Variants in DNAJB2 observed in about 807,000 individuals in gnomAD.
The protein encoded by DNAJB2 is DnaJ heat shock protein family (Hsp40) member B2.
In DNAJB2, 19 loss-of-function variants were observed where a neutral mutation model predicts 33.3. The ratio of observed to expected loss-of-function variants is 0.57; its 90% CI spans 0.40 to 0.84. The LOEUF is 0.84. DNAJB2 is among the 40% of genes least tolerant of loss of function. The pLI, the probability that DNAJB2 is intolerant of heterozygous loss-of-function variation, is 0.00. For synonymous variants in DNAJB2, 172 were observed against 164.6 expected, an observed-to-expected ratio of 1.04 and a Z score of -0.34; for missense variants, 368 against 430.9, an observed-to-expected ratio of 0.85 and a Z score of 1.29.
At chr2:219,282,981 G>C in intron 6 of DNAJB2, 52 bp downstream of exon 6, 1 of 1,565,960 alleles carries the variant, frequency 6.4e-7, no homozygotes, top group Non-Finnish European at 8.7e-7. Flanking sequence ...GGAACCCCTG[G>C]CTTGAGCTTG....
intron 7 of DNAJB2, 24 bp from the exon 8 acceptor site, chr2:219,283,395 C>A: frequency 6.2e-7 from 1 of 1,612,794 alleles, no homozygotes. Context: ...CTGCTCGTTG[C>A]CTGAACTGTG....
rs964413447 is a variant in DNAJB2 at position 219,285,716 on chromosome 2, G to C, written c.*729G>C. On this transcript the variant is annotated 3_prime_UTR_variant, in exon 9 of 9. Transcript: ENST00000336576. ...TCTCAGCTGTCCAGATTCAGAACTG[G>C]AGCCCACTCCTCCTCCCTCTCGTTG... 13 of 1,245,872 alleles carry C rather than the reference G, an allele frequency of 1.0e-5. No homozygotes were observed. The highest frequency in any genetic ancestry group is 1.2e-5 in the Non-Finnish European group (12 of 989,588). 77.2% of individuals were successfully genotyped at this position (1,245,872 alleles called of 1,614,324 possible).
At chr2:219,280,189 C>G in intron 2 of DNAJB2, 1 of 536,180 alleles carries the variant, frequency 1.9e-6, no homozygotes, top group Non-Finnish European at 3.3e-6. Context: ...CTCCCCTCCC[C>G]CTTCCCCCTA....
Position 219,285,646 on chromosome 2 carries a change from G to C in DNAJB2, c.*659G>C. ...GCGAGGAAGATGCTGGGGCCGGTAG[G>C]GCTGTGAGATCTTCTGGGGAGGCTA... On this transcript the variant is annotated 3_prime_UTR_variant, in exon 9 of 9. Coordinates refer to ENST00000336576, the MANE Select transcript of DNAJB2 (RefSeq NM_006736.6). The C allele has an allele frequency of 8.8e-7, 1 of 1,140,536 alleles. No homozygotes were observed. The highest frequency in any genetic ancestry group is 1.6e-5 in the African/African-American group (1 of 62,984). The allele number at this position is 1,140,536 out of a possible 1,614,324, so 70.7% of individuals were successfully genotyped here.
At chr2:219,283,263 G>T in intron 7 of DNAJB2, 28 bp downstream of exon 7, 3 of 1,613,660 alleles carry the variant, frequency 1.9e-6, no homozygotes, top group Non-Finnish European at 2.5e-6. Flanking sequence ...GGCCATAGAG[G>T]GGTGAGAGGT....
In DNAJB2 at chr2:219,285,612, C is replaced by G. The variant is rs940135945; in HGVS notation, c.*625C>G. ...TTCTTCCTTCCTTCCCCGAGAAGGCCTCAATGTGGCGAGGAAGATGCTGGG... is the reference window on the plus strand; with the variant it reads ...TTCTTCCTTCCTTCCCCGAGAAGGCGTCAATGTGGCGAGGAAGATGCTGGG... On this transcript the variant is annotated 3_prime_UTR_variant, in exon 9 of 9. Coordinates refer to ENST00000336576, the MANE Select transcript of DNAJB2 (RefSeq NM_006736.6). The G allele has an allele frequency of 1.0e-5, 11 of 1,085,806 alleles. No homozygotes were observed. In the African/African-American group the frequency reaches 1.8e-4, roughly 18 times the overall value. The allele number at this position is 1,085,806 out of a possible 1,614,324, so 67.3% of individuals were successfully genotyped here.
chr2:219,283,024 G>T, intron 6 of DNAJB2, 95 bp downstream of exon 6: 13 of 1,576,156 alleles, frequency 8.2e-6, no homozygotes, highest in Non-Finnish European at 1.1e-5. Flanking sequence ...TGTGTTGGGA[G>T]CCCTGCCTCC....
intron 8 of DNAJB2, among the ~76,000 whole-genome samples, chr2:219,284,174 G>A (rs993043260): frequency 3.3e-5 from 5 of 151,966 alleles, no homozygotes; most frequent in Non-Finnish European, 5.9e-5. Context: ...CGACCTCCTC[G>A]GCTCAAGCAG....
rs1187704067 is a variant in DNAJB2 at position 219,283,516 on chromosome 2, C to T, written c.619+27C>T. ...TGAGGAGCAGCTCCCCTACCCAGCC[C>T]CTGGCAGGAAGCCCCAGCCCCAACC... On this transcript the variant is annotated intron_variant, in intron 8 of 8. Coordinates refer to ENST00000336576, the MANE Select transcript of DNAJB2 (RefSeq NM_006736.6). 2.5e-5 allele frequency: 40 copies of T among 1,605,262 alleles called. 1 individual carries two copies. The East Asian group carries it at 8.7e-4, about 35-fold the overall frequency.
chr2:219,281,494 A>T, intron 3 of DNAJB2: 1 of 588,584 alleles, frequency 1.7e-6, no homozygotes, highest in Non-Finnish European at 3.0e-6. Flanking sequence ...CCTGTGCGGT[A>T]GGTGTTGTGA....
intron 5 of DNAJB2, chr2:219,282,580 C>G: frequency 2.3e-6 from 1 of 426,794 alleles, no homozygotes; most frequent in Non-Finnish European, 4.1e-6. Flanking sequence ...GATGATTTGC[C>G]TGTACTGAAA....
intron 3 of DNAJB2, chr2:219,281,329 G>A: frequency 4.4e-6 from 1 of 225,528 alleles, no homozygotes; most frequent in Non-Finnish European, 8.9e-6. Context: ...TAGTTCTGGT[G>A]GTTGTAGAAG....
rs929880543 is a variant in DNAJB2 at position 219,284,574 on chromosome 2, C to T, written c.620-58C>T. 3.3e-6 allele frequency: 5 copies of T among 1,527,332 alleles called. No individual in the cohort carries two copies. The East Asian group carries it at 1.1e-4, about 35-fold the overall frequency. 94.6% of individuals were successfully genotyped at this position (1,527,332 alleles called of 1,614,324 possible). On this transcript the variant is annotated intron_variant, in intron 8 of 8. Coordinates refer to ENST00000336576, the MANE Select transcript of DNAJB2 (RefSeq NM_006736.6). ...TCAGGGTTGTTACTGTGTGAGGCAG[C>T]CTGGCAGTAATACCCCTGGCTCAGG... is the stretch of plus-strand genomic sequence containing the variant.
intron 6 of DNAJB2, 64 bp from the exon 7 acceptor site, chr2:219,283,069 C>T: frequency 6.2e-7 from 1 of 1,600,198 alleles, no homozygotes; most frequent in Non-Finnish European, 8.6e-7. Flanking sequence ...GCCTCGGTGA[C>T]CACAACAGGC....
At chr2:219,281,574 C>G in intron 3 of DNAJB2, 144 bp from the exon 4 acceptor site, 2 of 1,022,984 alleles carry the variant, frequency 2.0e-6, no homozygotes, top group Non-Finnish European at 2.9e-6. Flanking sequence ...AACCTATAGC[C>G]CGTGTCCCCT....
Position 219,285,895 on chromosome 2 carries a change from T to C in DNAJB2, c.*908T>C, listed in dbSNP as rs895899350. The C allele has an allele frequency of 3.1e-5, 49 of 1,568,806 alleles. No homozygotes were observed. Among genetic ancestry groups the C allele is most frequent in the South Asian group, 1.0e-4 (9 of 86,636 alleles). The stretch of plus-strand genomic sequence containing the variant: ...CAAATCAGGGCTCAGGGAGAGGCCA[T>C]GCGGCCAGCCCAGGTCTGCATGCTG... On this transcript the variant is annotated 3_prime_UTR_variant, in exon 9 of 9. Transcript: ENST00000336576.
chr2:219,283,574 G>A (rs1951926897), intron 8 of DNAJB2, 85 bp downstream of exon 8: 2 of 1,410,716 alleles, frequency 1.4e-6, no homozygotes, highest in East Asian at 2.4e-5. Flanking sequence ...GCTGCTCTCT[G>A]AACTCACTTA....
intron 3 of DNAJB2, 39 bp downstream of exon 3, chr2:219,280,726 C>G (rs1391578018): frequency 3.5e-6 from 5 of 1,414,192 alleles, no homozygotes; most frequent in Non-Finnish European, 5.0e-6. Context: ...CACATCACCC[C>G]CTACTTCATG....
In DNAJB2 at chr2:219,285,554, G is replaced by A. The variant is rs1951947666; in HGVS notation, c.*567G>A. 4 of 1,025,852 alleles carry A rather than the reference G, an allele frequency of 3.9e-6. No homozygotes were observed. The highest frequency in any genetic ancestry group is 3.4e-5 in the African/African-American group (2 of 59,104). The allele number at this position is 1,025,852 out of a possible 1,614,324, so 63.5% of individuals were successfully genotyped here. A position where few individuals can be genotyped will look rare whatever the true frequency, so the allele number is the denominator to read the frequency against. Reference sequence around the variant, plus strand: ...TCTGCAACTCCCTGCGGGCCGCATCGCTTGCTTTCACTGCCGTCTGGCTAG... The same window carrying A: ...TCTGCAACTCCCTGCGGGCCGCATCACTTGCTTTCACTGCCGTCTGGCTAG... On this transcript the variant is annotated 3_prime_UTR_variant, in exon 9 of 9. Coordinates refer to ENST00000336576, the MANE Select transcript of DNAJB2 (RefSeq NM_006736.6).
Sources: allele counts gnomAD v4.1 joint callset (sites outside exome capture counted in the v4.1 genomes callset), GRCh38; gene constraint gnomAD v4.1.1; transcripts MANE v1.5; gene names NCBI Gene and HGNC (gene_info 2026-07-23, HGNC 2026-07-21).